The following GRID2 variants were observed in gnomAD, a reference collection of about 807,000 sequenced individuals.
GRID2 encodes glutamate ionotropic receptor delta type subunit 2.
GRID2 carries 33 observed loss-of-function variants against 114.8 expected under a neutral mutation model. The ratio of observed to expected loss-of-function variants is 0.29; its 90% CI spans 0.22 to 0.38. GRID2 has a LOEUF of 0.38. GRID2 is among the 10% of genes least tolerant of loss of function. The pLI is 1.00. For missense variants in GRID2, 1,184 were observed against 1,257.7 expected (o/e 0.94, Z 0.89); for synonymous variants, 505 against 449.9 (o/e 1.12, Z -1.55).
chr4:92,573,220 TTTA>T (rs1237786434), intron 1 of GRID2, among the ~76,000 whole-genome samples: 3 of 152,146 alleles, frequency 2.0e-5, no homozygotes, highest in Non-Finnish European at 4.4e-5. Flanking sequence ...TCTTTTCTTC[TTTA>T]TTATTCTAGT....
chr4:92,928,055 A>G (rs1410441252), intron 2 of GRID2, among the ~76,000 whole-genome samples: 1 of 151,710 alleles, frequency 6.6e-6, no homozygotes, highest in Non-Finnish European at 1.5e-5. Context: ...ATCTTTGAAA[A>G]CTTAATCCAG....
chr4:93,565,045 CAT>C (rs1171583668), intron 13 of GRID2, among the ~76,000 whole-genome samples: 2 of 151,870 alleles, frequency 1.3e-5, no homozygotes, highest in African/African-American at 4.8e-5. Flanking sequence ...TAATATAAAA[CAT>C]ATCTAGTTGC....
intron 2 of GRID2, among the ~76,000 whole-genome samples, chr4:92,784,987 C>T (rs1739249784): frequency 6.6e-6 from 1 of 151,286 alleles, no homozygotes; most frequent in African/African-American, 2.4e-5. Context: ...TATCATAAAT[C>T]CTTTTAGAAT....
intron 2 of GRID2, among the ~76,000 whole-genome samples, chr4:93,042,307 A>C (rs867681486): frequency 0.097 from 13,833 of 142,332 alleles, 678 homozygotes; most frequent in African/African-American, 0.15. Context: ...CTCTATATAT[A>C]TATATATATA....
At chr4:92,703,427 G>A (rs931131686) in intron 2 of GRID2, among the ~76,000 whole-genome samples, 2 of 151,992 alleles carry the variant, frequency 1.3e-5, no homozygotes, top group Non-Finnish European at 2.9e-5. Flanking sequence ...GGGCTTTAGA[G>A]AAGGTTCAGT....
chr4:93,275,431 C>CATATATATAT (rs3078736), intron 8 of GRID2, among the ~76,000 whole-genome samples: 1 of 147,960 alleles, frequency 6.8e-6, no homozygotes, highest in African/African-American at 2.5e-5. Context: ...TGGATATATA[C>CATATATATAT]ATATATATAT....
chr4:92,872,120 A>C (rs566026177), intron 2 of GRID2, among the ~76,000 whole-genome samples: 2 of 152,304 alleles, frequency 1.3e-5, no homozygotes, highest in East Asian at 1.9e-4. Context: ...TATGTTTATT[A>C]ACTTATTTTT....
chr4:92,909,121 T>A (rs533220329), intron 2 of GRID2, among the ~76,000 whole-genome samples: 3 of 152,300 alleles, frequency 2.0e-5, no homozygotes, highest in South Asian at 2.1e-4. Context: ...CCTTATCATA[T>A]CTTTAAAAGA....
At chr4:93,621,768 G>C (rs902706933) in intron 13 of GRID2, among the ~76,000 whole-genome samples, 1 of 152,122 alleles carries the variant, frequency 6.6e-6, no homozygotes, top group Non-Finnish European at 1.5e-5. Flanking sequence ...AAAATAGTTT[G>C]GGTTACTATG....
chr4:92,657,632 G>C (rs1481137922), intron 2 of GRID2, among the ~76,000 whole-genome samples: 1 of 151,092 alleles, frequency 6.6e-6, no homozygotes, highest in African/African-American at 2.4e-5. Flanking sequence ...GTATCTGAAA[G>C]AGGAAAAACA....
chr4:93,426,696 T>C (rs1243728164), intron 10 of GRID2, among the ~76,000 whole-genome samples: 1 of 152,094 alleles, frequency 6.6e-6, no homozygotes, highest in Non-Finnish European at 1.5e-5. Context: ...AGAAATAGAA[T>C]GTTCTTCATA....
At chr4:93,243,627 A>G (rs1747797682) in intron 8 of GRID2, among the ~76,000 whole-genome samples, 3 of 152,114 alleles carry the variant, frequency 2.0e-5, no homozygotes, top group South Asian at 2.1e-4. Flanking sequence ...CCAAGGATTC[A>G]TAATCCCAAA....
chr4:92,694,314 G>T (rs1734324852), intron 2 of GRID2, among the ~76,000 whole-genome samples: 1 of 152,134 alleles, frequency 6.6e-6, no homozygotes. Flanking sequence ...GGAGCTAATT[G>T]AGGTCTCCTG....
At chr4:92,528,937 T>C (rs1725177368) in intron 1 of GRID2, among the ~76,000 whole-genome samples, 1 of 152,024 alleles carries the variant, frequency 6.6e-6, no homozygotes, top group Non-Finnish European at 1.5e-5. Flanking sequence ...AAAAGTCTTT[T>C]CATATACAGC....
chr4:93,063,072 G>T (rs1325278346), intron 2 of GRID2, among the ~76,000 whole-genome samples: 1 of 151,802 alleles, frequency 6.6e-6, no homozygotes, highest in Non-Finnish European at 1.5e-5. Context: ...CTCTTATCTG[G>T]TAACAGTGAT....
At chr4:93,242,449 G>T (rs945996200) in intron 8 of GRID2, among the ~76,000 whole-genome samples, 1 of 151,940 alleles carries the variant, frequency 6.6e-6, no homozygotes, top group Non-Finnish European at 1.5e-5. Context: ...AAGCTTCATC[G>T]GGTTATTTTT....
At chr4:92,893,321 CTCCT>C (rs753502670) in intron 2 of GRID2, among the ~76,000 whole-genome samples, 10 of 152,130 alleles carry the variant, frequency 6.6e-5, no homozygotes, top group Non-Finnish European at 1.5e-4. Context: ...TAACCATCTG[CTCCT>C]TCTTGTTCGT....
chr4:93,163,380 A>AC (rs1210646855), intron 4 of GRID2, among the ~76,000 whole-genome samples: 2 of 43,004 alleles, frequency 4.7e-5, no homozygotes, highest in Admixed American at 4.2e-4. Context: ...ATATATATAT[A>AC]TATATATATA....
chr4:92,391,837 T>A (rs1730252713), intron 1 of GRID2, among the ~76,000 whole-genome samples: 1 of 152,160 alleles, frequency 6.6e-6, no homozygotes, highest in Non-Finnish European at 1.5e-5. Flanking sequence ...GCAGTTTTGC[T>A]ATACAAGACT....
Sources: gnomAD v4.1 joint callset for allele counts (sites outside exome capture counted in the v4.1 genomes callset) on GRCh38, gnomAD v4.1.1 for gene constraint, MANE v1.5 for transcripts, NCBI Gene and HGNC (gene_info 2026-07-23, HGNC 2026-07-21) for gene names.